The following WRN variants were observed in gnomAD, a reference collection of about 807,000 sequenced individuals.
WRN encodes the protein bifunctional 3'-5' exonuclease/ATP-dependent helicase WRN.
In WRN, 149 loss-of-function variants were observed where a neutral mutation model predicts 180.7. The observed-to-expected ratio is 0.82, with a 90% CI of 0.72 to 0.94. WRN has a LOEUF of 0.94. Among genes scored for constraint, WRN ranks in the 40% least tolerant of loss-of-function variants. The pLI, the probability that WRN is intolerant of heterozygous loss-of-function variation, is 0.00. For synonymous variants in WRN, 548 were observed against 568.9 expected, an observed-to-expected ratio of 0.96 and a Z score of 0.52; for missense variants, 1,661 against 1,700.1, an observed-to-expected ratio of 0.98 and a Z score of 0.40.
chr8:31,112,219 C>G (rs966169702), intron 19 of WRN, among the ~76,000 whole-genome samples: 1 of 151,714 alleles, frequency 6.6e-6, no homozygotes, highest in Non-Finnish European at 1.5e-5. Context: ...GAACTACAGT[C>G]TTGCACCACC....
intron 1 of WRN, among the ~76,000 whole-genome samples, chr8:31,050,469 A>G (rs1483808916): frequency 6.6e-6 from 1 of 151,684 alleles, no homozygotes; most frequent in Non-Finnish European, 1.5e-5. Flanking sequence ...TGACATTGAA[A>G]TGACATACTG....
intron 24 of WRN, among the ~76,000 whole-genome samples, chr8:31,140,353 A>C (rs949790037): frequency 2.0e-5 from 3 of 152,120 alleles, no homozygotes; most frequent in African/African-American, 7.2e-5. Flanking sequence ...GTAGTATTTA[A>C]ATGTGTAGGA....
intron 30 of WRN, among the ~76,000 whole-genome samples, chr8:31,148,878 T>A (rs1204061694): frequency 6.6e-6 from 1 of 152,212 alleles, no homozygotes; most frequent in Non-Finnish European, 1.5e-5. Context: ...TTTTTGTGTG[T>A]CTCCTGTAGC....
chr8:31,066,376 C>T (rs985186223), intron 5 of WRN, among the ~76,000 whole-genome samples: 2 of 151,646 alleles, frequency 1.3e-5, no homozygotes, highest in South Asian at 2.1e-4. Flanking sequence ...TTAGTAGAGA[C>T]GAGGTTTCAC....
At chr8:31,044,342 CTTTTTTTTTTT>C (rs34518426) in intron 1 of WRN, among the ~76,000 whole-genome samples, 5 of 68,338 alleles carry the variant, frequency 7.3e-5, no homozygotes, top group South Asian at 6.9e-4. Context: ...GCCCGACCTT[CTTTTTTTTTTT>C]TTTTTTTTTT....
At chr8:31,056,859 G>T (rs1317697731) in intron 1 of WRN, among the ~76,000 whole-genome samples, 3 of 152,114 alleles carry the variant, frequency 2.0e-5, no homozygotes, top group Non-Finnish European at 4.4e-5. Context: ...ACATTTTCTA[G>T]ATATGGACTG....
chr8:31,105,285 T>G (rs891239478), intron 18 of WRN, among the ~76,000 whole-genome samples: 7 of 152,244 alleles, frequency 4.6e-5, no homozygotes, highest in Admixed American at 4.6e-4. Context: ...AGTAGTCACA[T>G]AGGACAGCAC....
At chr8:31,124,809 T>C in intron 22 of WRN, 99 bp from the exon 23 acceptor site, 1 of 1,299,988 alleles carries the variant, frequency 7.7e-7, no homozygotes, top group Middle Eastern at 2.5e-4. Context: ...AAGTCCCAAG[T>C]GAATCAATTA....
At chr8:31,043,613 G>C (rs1811738086) in intron 1 of WRN, among the ~76,000 whole-genome samples, 2 of 152,072 alleles carry the variant, frequency 1.3e-5, no homozygotes, top group African/African-American at 4.8e-5. Flanking sequence ...AAAACCATGA[G>C]ACATGTTTAA....
At position 31,064,966 on chromosome 8, in the gene WRN, C is replaced by A. The variant is rs1342850355; in HGVS notation, c.407C>A (p.Ala136Glu). The A allele has an allele frequency of 6.2e-7, 1 of 1,613,456 alleles. No individual in the cohort carries two copies. Among genetic ancestry groups the A allele is most frequent in the Admixed American group, 1.7e-5 (1 of 59,978 alleles). Residue 136 changes from alanine to glutamate, a missense_variant, in exon 5 of 35, where the codon GCA becomes GAA. Ala to Glu is a moderately radical substitution (Grantham distance 107). This residue lies in a region of WRN where 500 missense variants were observed against 504.1 expected (regional missense o/e 0.99). Transcript: ENST00000298139. ...MLLENKAVKK[A>E]GVGIEGDQWK... ...CTTGAAAATAAAGCAGTTAAAAAGG[C>A]AGGTGTAGGAATTGAAGGAGATCAG... is the stretch of plus-strand genomic sequence containing the variant.
At chr8:31,171,542 A>T (rs1804102998) in intron 34 of WRN, 1 of 152,156 alleles carries the variant, frequency 6.6e-6, no homozygotes, top group Non-Finnish European at 1.5e-5. Context: ...TATAAGTCTC[A>T]TCCGTTCTTT....
intron 1 of WRN, among the ~76,000 whole-genome samples, chr8:31,041,621 A>T (rs1455185559): frequency 6.6e-6 from 1 of 152,222 alleles, no homozygotes; most frequent in Non-Finnish European, 1.5e-5. Context: ...GATTGCTTCT[A>T]GTGAAATCGG....
intron 1 of WRN, among the ~76,000 whole-genome samples, chr8:31,041,153 A>G (rs1031596376): frequency 6.6e-6 from 1 of 152,140 alleles, no homozygotes; most frequent in African/African-American, 2.4e-5. Flanking sequence ...AAGAGATTAT[A>G]AAAGTTTTAA....
chr8:31,037,624 A>T (rs1160508007), intron 1 of WRN, among the ~76,000 whole-genome samples: 3 of 152,202 alleles, frequency 2.0e-5, no homozygotes, highest in Non-Finnish European at 4.4e-5. Flanking sequence ...AGTTTTCCCA[A>T]CACCGTTTAT....
At chr8:31,100,772 C>A (rs1814190283) in intron 17 of WRN, 77 bp from the exon 18 acceptor site, 2 of 1,195,116 alleles carry the variant, frequency 1.7e-6, no homozygotes, top group African/African-American at 1.5e-5. Flanking sequence ...TATTTATTCT[C>A]CTTTGGAGAT....
At chr8:31,065,089 CATG>C (rs759819041) in intron 5 of WRN, 26 bp downstream of exon 5, 17 of 1,601,708 alleles carry the variant, frequency 1.1e-5, no homozygotes, top group Middle Eastern at 3.7e-4. Flanking sequence ...ATATAATTTT[CATG>C]ATGAAGATTA....
At chr8:31,117,989 A>G (rs193185691) in intron 20 of WRN, among the ~76,000 whole-genome samples, 28 of 152,304 alleles carry the variant, frequency 1.8e-4, no homozygotes, top group Non-Finnish European at 7.4e-5. Context: ...TTAATAATCA[A>G]TCTTCAAGCC....
chr8:31,112,383 T>C (rs557955559), intron 19 of WRN, among the ~76,000 whole-genome samples: 1 of 152,322 alleles, frequency 6.6e-6, no homozygotes, highest in African/African-American at 2.4e-5. Context: ...GTGGAGCCTG[T>C]ATTGTGTTCC....
rs2130342725 is a variant in WRN at position 31,124,559 on chromosome 8, T to C, written c.2668T>C (p.Leu890=). The change falls in exon 22 of 35, where the codon TTA becomes CTA. Residue 890 remains leucine (L), a synonymous_variant. Coordinates refer to ENST00000298139, the MANE Select transcript of WRN (RefSeq NM_000553.6). ...LTEIRNEKFR[L]YKLKMMAKME... is the part of the protein sequence containing the mutation. ...TGAGATACGTAATGAGAAGTTTCGA[T>C]TATACAAATTAAAGATGATGGCAAA... 6.2e-7 allele frequency: 1 copy of C among 1,612,952 alleles called. No individual in the cohort carries two copies. The highest frequency in any genetic ancestry group is 8.5e-7 in the Non-Finnish European group (1 of 1,179,230).
Sources: allele counts gnomAD v4.1 joint callset (sites outside exome capture counted in the v4.1 genomes callset), GRCh38; gene constraint gnomAD v4.1.1; regional missense constraint gnomAD v4.1.1; transcripts MANE v1.5; gene names NCBI Gene and HGNC (gene_info 2026-07-23, HGNC 2026-07-21).